The following LRP1B variants were observed in gnomAD, a reference collection of about 807,000 sequenced individuals.
LRP1B encodes low-density lipoprotein receptor-related protein 1B.
In LRP1B, 217 loss-of-function variants were observed where a neutral mutation model predicts 556.6. That is an observed-to-expected ratio of 0.39 (90% CI 0.35 to 0.44). LRP1B has a LOEUF of 0.44. Ranked by LOEUF, LRP1B falls within the 20% of genes least tolerant of loss-of-function variation. The pLI is 1.00. For synonymous variants in LRP1B, 2,047 were observed against 1,865.8 expected, an observed-to-expected ratio of 1.10 and a Z score of -2.50; for missense variants, 5,053 against 5,620.8, an observed-to-expected ratio of 0.90 and a Z score of 3.23.
At chr2:141,067,254 A>G (rs1444019443) in intron 7 of LRP1B, among the ~76,000 whole-genome samples, 1 of 152,046 alleles carries the variant, frequency 6.6e-6, no homozygotes, top group Non-Finnish European at 1.5e-5. Context: ...TACAAATCTG[A>G]AAAAGTAATG....
intron 66 of LRP1B, among the ~76,000 whole-genome samples, chr2:140,395,121 T>G (rs1684193288): frequency 6.6e-6 from 1 of 152,214 alleles, no homozygotes. Context: ...ACTTTGCAAT[T>G]TTTATTGCTT....
At chr2:140,707,506 C>CA (rs1481948265) in intron 37 of LRP1B, among the ~76,000 whole-genome samples, 1 of 152,060 alleles carries the variant, frequency 6.6e-6, no homozygotes, top group Non-Finnish European at 1.5e-5. Flanking sequence ...TTGTAATTTC[C>CA]AATTTCTTAG....
chr2:140,500,053 G>A (rs1159865887), intron 55 of LRP1B, among the ~76,000 whole-genome samples: 1 of 151,820 alleles, frequency 6.6e-6, no homozygotes, highest in Non-Finnish European at 1.5e-5. Flanking sequence ...TTAATTATCT[G>A]ATGCATGCTC....
At chr2:141,759,134 G>T (rs1694432446) in intron 2 of LRP1B, among the ~76,000 whole-genome samples, 1 of 152,072 alleles carries the variant, frequency 6.6e-6, no homozygotes, top group South Asian at 2.1e-4. Flanking sequence ...CCAGTAGAAT[G>T]AAAGAATCTA....
intron 43 of LRP1B, among the ~76,000 whole-genome samples, chr2:140,585,332 C>T (rs1364256787): frequency 1.3e-5 from 2 of 152,064 alleles, no homozygotes; most frequent in African/African-American, 4.8e-5. Flanking sequence ...CCTCGGCTTA[C>T]TAAACAACAG....
chr2:141,903,497 C>T (rs996829029), intron 1 of LRP1B, among the ~76,000 whole-genome samples: 10 of 151,766 alleles, frequency 6.6e-5, no homozygotes, highest in Non-Finnish European at 1.2e-4. Flanking sequence ...TTTGGAGCCT[C>T]TTTGGTATAG....
rs139736646 is a variant in LRP1B at position 140,724,321 on chromosome 2, T to C, written c.5759-7505A>G. Among the ~76,000 whole-genome samples the C allele has an allele frequency of 4.2e-3, 635 of 152,100 alleles. 6 individuals are homozygous for C. Among genetic ancestry groups the C allele is most frequent in the African/African-American group, 0.015 (612 of 41,506 alleles). On this transcript the variant is annotated intron_variant, in intron 35 of 90. Transcript: ENST00000389484. The stretch of plus-strand genomic sequence containing the variant: ...GCAACACAGCAATACTTCATCTCTA[T>C]AAAAAAATAAATAATAATTTTTAAA...
rs141019020 is a variant in LRP1B at position 141,636,061 on chromosome 2, T to C, written c.206-155528A>G. Among the ~76,000 whole-genome samples the C allele has an allele frequency of 2.2e-3, 333 of 152,198 alleles. 1 individual carries two copies. Among genetic ancestry groups the C allele is most frequent in the Non-Finnish European group, 4.0e-3 (269 of 67,988 alleles). ...CTCCCTCCTCAATTGACAATCAATA[T>C]TAAGTGCCTATTTATTGAGACTATT... On this transcript the variant is annotated intron_variant, in intron 2 of 90. Transcript: ENST00000389484.
intron 43 of LRP1B, among the ~76,000 whole-genome samples, chr2:140,585,318 ATG>A (rs1387148718): frequency 1.3e-5 from 2 of 152,120 alleles, no homozygotes; most frequent in Non-Finnish European, 2.9e-5. Flanking sequence ...GGATTAAGAA[ATG>A]TCCTCGGCTT....
At chr2:140,768,631 G>T (rs1311978626) in intron 35 of LRP1B, among the ~76,000 whole-genome samples, 1 of 151,852 alleles carries the variant, frequency 6.6e-6, no homozygotes, top group African/African-American at 2.4e-5. Flanking sequence ...ATTCATATTA[G>T]CCGCAGCAAA....
chr2:141,616,141 G>A (rs747488991), intron 2 of LRP1B, among the ~76,000 whole-genome samples: 7 of 152,060 alleles, frequency 4.6e-5, no homozygotes, highest in Non-Finnish European at 7.4e-5. Flanking sequence ...CATTAGCTGG[G>A]TGTGGTGGCG....
chr2:141,993,266 G>A (rs1043407303), intron 1 of LRP1B, among the ~76,000 whole-genome samples: 1 of 152,008 alleles, frequency 6.6e-6, no homozygotes, highest in Non-Finnish European at 1.5e-5. Context: ...AATTATAGGA[G>A]CCCCCTTGCC....
intron 1 of LRP1B, among the ~76,000 whole-genome samples, chr2:141,954,013 C>T (rs1701181657): frequency 1.3e-5 from 2 of 152,046 alleles, no homozygotes; most frequent in African/African-American, 2.4e-5. Context: ...CCTTTCCTTG[C>T]CCTATTCAAA....
chr2:140,647,422 AATT>A lies in LRP1B; in HGVS notation c.6800-45786_6800-45784del, dbSNP rs544506075. On this transcript the variant is annotated intron_variant, in intron 41 of 90. Coordinates refer to ENST00000389484, the MANE Select transcript of LRP1B (RefSeq NM_018557.3). ...CCATTTATTTACTTATTCAATAAAT[AATT>A]ATTGAGTGTTTACCATACATAAATT... 8.7e-3 allele frequency among the ~76,000 whole-genome samples: 1,329 copies of A among 152,280 alleles called. 19 individuals carry two copies. The highest frequency in any genetic ancestry group is 0.031 in the African/African-American group (1,271 of 41,558).
intron 50 of LRP1B, among the ~76,000 whole-genome samples, chr2:140,515,170 G>C (rs904739250): frequency 6.6e-6 from 1 of 151,838 alleles, no homozygotes; most frequent in Non-Finnish European, 1.5e-5. Flanking sequence ...AAACACTTAC[G>C]TCCTAAGTAA....
At chr2:141,614,463 G>T (rs1013064456) in intron 2 of LRP1B, among the ~76,000 whole-genome samples, 1 of 152,144 alleles carries the variant, frequency 6.6e-6, no homozygotes, top group South Asian at 2.1e-4. Flanking sequence ...TGGTACCTGT[G>T]CATGTGACTT....
At chr2:140,451,550 G>T (rs1686886356) in intron 62 of LRP1B, among the ~76,000 whole-genome samples, 2 of 152,126 alleles carry the variant, frequency 1.3e-5, no homozygotes, top group African/African-American at 4.8e-5. Context: ...ATCTTTTCCA[G>T]CTCTGTCATG....
chr2:140,922,308 ACACACACG>A (rs1694761111), intron 21 of LRP1B, among the ~76,000 whole-genome samples: 1 of 134,438 alleles, frequency 7.4e-6, no homozygotes, highest in Non-Finnish European at 1.6e-5. Flanking sequence ...GCACACACGC[ACACACACG>A]CACACACACG....
intron 43 of LRP1B, among the ~76,000 whole-genome samples, chr2:140,575,160 T>C (rs1681471099): frequency 6.6e-6 from 1 of 152,088 alleles, no homozygotes; most frequent in South Asian, 2.1e-4. Context: ...AGTGTATAGA[T>C]ATGAGGAGTT....
Sources: allele counts gnomAD v4.1 joint callset (sites outside exome capture counted in the v4.1 genomes callset), GRCh38; gene constraint gnomAD v4.1.1; transcripts MANE v1.5; gene names NCBI Gene and HGNC (gene_info 2026-07-23, HGNC 2026-07-21).